TENT4B: variants seen among roughly 807,000 people sequenced by gnomAD.
The protein encoded by TENT4B is terminal nucleotidyltransferase 4B.
In TENT4B, 10 loss-of-function variants were observed where a neutral mutation model predicts 75.0. The observed-to-expected ratio is 0.13, with a 90% confidence interval of 0.08 to 0.23. The LOEUF is 0.23. TENT4B is among the 10% of genes least tolerant of loss of function. The pLI is 1.00. For synonymous variants in TENT4B, 350 were observed against 357.7 expected (o/e 0.98, Z 0.24); for missense variants, 579 against 893.8 (o/e 0.65, Z 4.49).
In TENT4B at chr16:50,212,357, C is replaced by A. The variant is rs531490983; in HGVS notation, c.762+911C>A. ...ACAGGTGTGAGCCACCACACTTGGC[C>A]TGTTACTGGTACTAAGTTAATACGT... On this transcript the variant is annotated intron_variant, in intron 2 of 11. Transcript: ENST00000561678. Among the ~76,000 whole-genome samples, 12 of 152,252 alleles carry A rather than the reference C, an allele frequency of 7.9e-5. No homozygotes were observed. The East Asian group carries it at 1.9e-3, about 24-fold the overall frequency.
In TENT4B at chr16:50,233,225, A is replaced by G. The variant is rs1460411540; in HGVS notation, c.*3897A>G. On this transcript the variant is annotated 3_prime_UTR_variant, in exon 12 of 12. Transcript: ENST00000561678. ...GTTAACATTCCAGCATTAAAGTGGGAACAAAGATTTATATATGAAATTCCT... is the reference window on the plus strand; with the variant it reads ...GTTAACATTCCAGCATTAAAGTGGGGACAAAGATTTATATATGAAATTCCT... 1 of 985,134 alleles carries G rather than the reference A, an allele frequency of 1.0e-6. No homozygotes were observed. Among genetic ancestry groups the G allele is most frequent in the East Asian group, 1.1e-4 (1 of 8,828 alleles). The allele number at this position is 985,134 out of a possible 1,614,324, so 61.0% of individuals were successfully genotyped here. A position where few individuals can be genotyped will look rare whatever the true frequency, so the allele number is the denominator to read the frequency against.
At chr16:50,224,530 A>G in intron 7 of TENT4B, 127 bp from the exon 8 acceptor site, 1 of 1,167,700 alleles carries the variant, frequency 8.6e-7, no homozygotes, top group Non-Finnish European at 1.2e-6. Flanking sequence ...GACAGCTCAC[A>G]GCTCAGCTTC....
At chr16:50,195,372 C>A (rs960468489) in intron 1 of TENT4B, among the ~76,000 whole-genome samples, 14 of 152,162 alleles carry the variant, frequency 9.2e-5, no homozygotes, top group African/African-American at 3.4e-4. Flanking sequence ...GAACTTGATT[C>A]TTTTGGAGAA....
Position 50,233,332 on chromosome 16 carries a change from TA to T in TENT4B, c.*4006del. 1.0e-6 allele frequency: 1 copy of T among 985,438 alleles called. No homozygotes were observed. The highest frequency in any genetic ancestry group is 1.2e-6 in the Non-Finnish European group (1 of 829,926). 61.0% of individuals were successfully genotyped at this position (985,438 alleles called of 1,614,324 possible). On this transcript the variant is annotated 3_prime_UTR_variant, in exon 12 of 12. Transcript: ENST00000561678. ...CTTGTCAAAACATTTGTGGGTAGAA[TA>T]AGTGTTAAAGATCAAATTTTAATAT...
intron 1 of TENT4B, among the ~76,000 whole-genome samples, chr16:50,162,070 C>T (rs1052224770): frequency 2.0e-5 from 3 of 152,104 alleles, no homozygotes; most frequent in Non-Finnish European, 2.9e-5. Context: ...GTAACTTTGG[C>T]TTTTTTTCTT....
chr16:50,195,497 A>G (rs2030170989), intron 1 of TENT4B, among the ~76,000 whole-genome samples: 1 of 152,234 alleles, frequency 6.6e-6, no homozygotes, highest in South Asian at 2.1e-4. Flanking sequence ...AGCCCATAGC[A>G]GAGTCCAGAT....
At chr16:50,211,875 C>T (rs890104317) in intron 2 of TENT4B, among the ~76,000 whole-genome samples, 1 of 152,254 alleles carries the variant, frequency 6.6e-6, no homozygotes, top group African/African-American at 2.4e-5. Flanking sequence ...GAACTTTTGT[C>T]ACTTGAAGTT....
rs535438727 is a variant in TENT4B at position 50,213,216 on chromosome 16, A to T, written c.763-1005A>T. On this transcript the variant is annotated intron_variant, in intron 2 of 11. Coordinates refer to ENST00000561678, the MANE Select transcript of TENT4B (RefSeq NM_001365324.3). ...CTGGGGTTCAGGCGCCCGTCACCAC[A>T]CCTGGCTGATTTTTGTAATTTTAGT... Among the ~76,000 whole-genome samples the T allele has an allele frequency of 2.6e-5, 4 of 152,174 alleles. No individual in the cohort carries two copies. The East Asian group carries it at 5.8e-4, about 22-fold the overall frequency.
At chr16:50,218,579 C>T (rs906805241) in intron 5 of TENT4B, among the ~76,000 whole-genome samples, 2 of 151,908 alleles carry the variant, frequency 1.3e-5, no homozygotes, top group African/African-American at 4.8e-5. Flanking sequence ...GTCTCGAACT[C>T]CTGACCTTGT....
At chr16:50,180,678 C>T (rs1490848090) in intron 1 of TENT4B, among the ~76,000 whole-genome samples, 9 of 147,024 alleles carry the variant, frequency 6.1e-5, no homozygotes, top group Non-Finnish European at 7.4e-5. Context: ...CCCTGCACTC[C>T]AGCCTGGGTG....
At chr16:50,194,909 C>CG (rs1198000286) in intron 1 of TENT4B, among the ~76,000 whole-genome samples, 1 of 151,814 alleles carries the variant, frequency 6.6e-6, no homozygotes, top group Non-Finnish European at 1.5e-5. Context: ...CCACCATGCC[C>CG]GGCTAATTTT....
In TENT4B at chr16:50,230,612, C is replaced by T; in HGVS notation, c.*1284C>T. The stretch of plus-strand genomic sequence containing the variant: ...TGTATTGCCTTATTAAGACCAAATA[C>T]TTCTTGTCATCCCATTCTTTATCCT... On this transcript the variant is annotated 3_prime_UTR_variant, in exon 12 of 12. Coordinates refer to ENST00000561678, the MANE Select transcript of TENT4B (RefSeq NM_001365324.3). 1.0e-6 allele frequency: 1 copy of T among 983,778 alleles called. No individual in the cohort carries two copies. The highest frequency in any genetic ancestry group is 1.2e-6 in the Non-Finnish European group (1 of 828,152). 60.9% of individuals were successfully genotyped at this position (983,778 alleles called of 1,614,324 possible).
At chr16:50,211,793 T>C (rs2150734466) in intron 2 of TENT4B, among the ~76,000 whole-genome samples, 1 of 152,330 alleles carries the variant, frequency 6.6e-6, no homozygotes, top group South Asian at 2.1e-4. Context: ...CAAAACCTCA[T>C]TACTACTTAG....
intron 1 of TENT4B, among the ~76,000 whole-genome samples, chr16:50,198,406 G>A (rs1198680168): frequency 2.5e-5 from 3 of 117,938 alleles, no homozygotes; most frequent in Non-Finnish European, 5.5e-5. Context: ...GTGACAAAGT[G>A]AGACTCTGTC....
chr16:50,153,092 G>A (rs1191177324), upstream of TENT4B: 5 of 1,325,518 alleles, frequency 3.8e-6, no homozygotes, highest in South Asian at 3.2e-5. Context: ...TTGCGGCCCC[G>A]TCGCGCCGCG....
Position 50,225,198 on chromosome 16 carries a change from C to T in TENT4B, c.1713C>T (p.Thr571=), listed in dbSNP as rs1217405970. Reference sequence around the variant, plus strand: ...CCCTTGGAAAATGTAGAAGTAAAACCTCGGAATCTCTTAGTAAACACTCTT... The same window carrying T: ...CCCTTGGAAAATGTAGAAGTAAAACTTCGGAATCTCTTAGTAAACACTCTT... ...NEALGKCRSK[T]SESLSKHSSN... Residue 571 remains threonine (T), a synonymous_variant, in exon 10 of 12, where the codon ACC becomes ACT. Coordinates refer to ENST00000561678, the MANE Select transcript of TENT4B (RefSeq NM_001365324.3). 1 of 1,613,842 alleles carries T rather than the reference C, an allele frequency of 6.2e-7. No individual in the cohort carries two copies. Among genetic ancestry groups the T allele is most frequent in the Non-Finnish European group, 8.5e-7 (1 of 1,179,828 alleles).
intron 1 of TENT4B, among the ~76,000 whole-genome samples, chr16:50,175,897 T>C (rs930758899): frequency 3.3e-5 from 5 of 152,014 alleles, no homozygotes; most frequent in African/African-American, 1.2e-4. Flanking sequence ...ATCTTCTTGC[T>C]TCAGCCTCCT....
chr16:50,170,880 T>A (rs1330167960), intron 1 of TENT4B, among the ~76,000 whole-genome samples: 3 of 152,040 alleles, frequency 2.0e-5, no homozygotes, highest in African/African-American at 7.2e-5. Context: ...TTGGCTAGGC[T>A]AGTCTCAAAC....
rs71138055 is a variant in TENT4B, at chr16:50,234,364, TG to T, written c.*5038del. 672,889 of 985,138 alleles carry T rather than the reference TG, an allele frequency of 0.68. 232,699 individuals are homozygous for T. Among genetic ancestry groups the T allele is most frequent in the South Asian group, 0.75 (15,982 of 21,284 alleles). The allele number at this position is 985,138 out of a possible 1,614,324, so 61.0% of individuals were successfully genotyped here. A position where few individuals can be genotyped will look rare whatever the true frequency, so the allele number is the denominator to read the frequency against. On this transcript the variant is annotated 3_prime_UTR_variant, in exon 12 of 12. Coordinates refer to ENST00000561678, the MANE Select transcript of TENT4B (RefSeq NM_001365324.3). ...AAAGCATTCTCCAAAGCCAGCAACT[TG>T]GTGAAGTTCAGTACTTGCCTCTTAG...
Sources: gnomAD v4.1 joint callset for allele counts (sites outside exome capture counted in the v4.1 genomes callset) on GRCh38, gnomAD v4.1.1 for gene constraint, MANE v1.5 for transcripts, NCBI Gene and HGNC (gene_info 2026-07-23, HGNC 2026-07-21) for gene names.